Variants in MMP26 observed in about 807,000 individuals in gnomAD.
MMP26 encodes the protein matrix metallopeptidase 26.
MMP26 carries 33 observed loss-of-function variants against 31.0 expected under a neutral mutation model. The ratio of observed to expected loss-of-function variants is 1.06; its 90% CI spans 0.81 to 1.42. MMP26 has a LOEUF of 1.42. Among genes scored for constraint, MMP26 ranks in the 40% most tolerant of loss-of-function variants. The pLI is 0.00. For synonymous variants in MMP26, 122 were observed against 114.9 expected, an observed-to-expected ratio of 1.06 and a Z score of -0.40; for missense variants, 347 against 316.1, an observed-to-expected ratio of 1.10 and a Z score of -0.74.
chr11:4,963,593 T>A (rs6578538), intron 2 of MMP26, among the ~76,000 whole-genome samples: 86,117 of 151,992 alleles, frequency 0.57, 24,890 homozygotes, highest in South Asian at 0.64. Flanking sequence ...ATCTACAACC[T>A]TCTGATCTTT....
intron 2 of MMP26, among the ~76,000 whole-genome samples, chr11:4,941,038 C>T (rs1159270332): frequency 7.3e-6 from 1 of 136,590 alleles, no homozygotes; most frequent in Non-Finnish European, 1.6e-5. Context: ...TATACCTTTT[C>T]CACATTTATT....
Position 4,807,986 on chromosome 11 carries a change from A to G in MMP26, c.-145+40645A>G, listed in dbSNP as rs532048635. On this transcript the variant is annotated intron_variant, in intron 2 of 7. Transcript: ENST00000380390. ...CGCCCAGCAAATTTTTTGTATTTTT[A>G]ATAGAGACAGGGTCTCACTATGTTA... Among the ~76,000 whole-genome samples the G allele has an allele frequency of 2.3e-4, 35 of 152,120 alleles. No homozygotes were observed. The South Asian group carries it at 6.2e-3, about 27-fold the overall frequency.
chr11:4,923,249 C>T, intron 2 of MMP26: 1 of 895,372 alleles, frequency 1.1e-6, no homozygotes, highest in South Asian at 1.9e-5. Context: ...GTCACACTGC[C>T]TTATGTTGCA....
At chr11:4,726,413 G>A (rs1224804734) in intron 1 of MMP26, among the ~76,000 whole-genome samples, 4 of 151,614 alleles carry the variant, frequency 2.6e-5, no homozygotes, top group African/African-American at 9.7e-5. Context: ...AATGAGCCGA[G>A]ATCACGCCAC....
At chr11:4,840,806 T>A (rs1173349790) in intron 2 of MMP26, among the ~76,000 whole-genome samples, 1 of 152,034 alleles carries the variant, frequency 6.6e-6, no homozygotes, top group Non-Finnish European at 1.5e-5. Flanking sequence ...CCTCACCAAA[T>A]AAACTAAATA....
chr11:4,742,725 A>G (rs1298157912), intron 1 of MMP26, among the ~76,000 whole-genome samples: 1 of 152,158 alleles, frequency 6.6e-6, no homozygotes, highest in Non-Finnish European at 1.5e-5. Context: ...CAAAGGGCTA[A>G]CTTAGAATAT....
intron 2 of MMP26, among the ~76,000 whole-genome samples, chr11:4,772,030 A>C (rs760633482): frequency 6.6e-6 from 1 of 152,172 alleles, no homozygotes; most frequent in Non-Finnish European, 1.5e-5. Context: ...GATAGACTAC[A>C]GTTCTGGAGC....
chr11:4,942,130 G>T (rs555922391), intron 2 of MMP26, among the ~76,000 whole-genome samples: 1 of 80,168 alleles, frequency 1.2e-5, no homozygotes, highest in East Asian at 3.6e-4. Flanking sequence ...ACCCTACTCA[G>T]ACTGCTGCCA....
chr11:4,971,498 A>G (rs1328776866), intron 2 of MMP26, among the ~76,000 whole-genome samples: 2 of 152,232 alleles, frequency 1.3e-5, no homozygotes, highest in East Asian at 1.9e-4. Context: ...TGATATGTAT[A>G]GGAGCTTGTT....
At chr11:4,911,787 T>C (rs1850995763) in intron 2 of MMP26, among the ~76,000 whole-genome samples, 1 of 152,206 alleles carries the variant, frequency 6.6e-6, no homozygotes, top group Non-Finnish European at 1.5e-5. Context: ...CAGAGTACTT[T>C]GCAGTTTATG....
At chr11:4,806,557 T>C (rs888843570) in intron 2 of MMP26, among the ~76,000 whole-genome samples, 1 of 152,184 alleles carries the variant, frequency 6.6e-6, no homozygotes, top group Non-Finnish European at 1.5e-5. Flanking sequence ...CTGCCTTTTT[T>C]GGTTTTCCAT....
At chr11:4,891,704 A>G (rs1011987750) in intron 2 of MMP26, among the ~76,000 whole-genome samples, 1 of 152,192 alleles carries the variant, frequency 6.6e-6, no homozygotes, top group African/African-American at 2.4e-5. Context: ...GTCCTTATGT[A>G]TGACCAATTC....
chr11:4,919,468 C>T (rs1412933216), intron 2 of MMP26: 2 of 152,202 alleles, frequency 1.3e-5, no homozygotes, highest in East Asian at 3.9e-4. Context: ...GCCTGGCTCC[C>T]TGGACCTCAT....
At chr11:4,891,495 T>C (rs1850622645) in intron 2 of MMP26, among the ~76,000 whole-genome samples, 1 of 152,148 alleles carries the variant, frequency 6.6e-6, no homozygotes, top group East Asian at 1.9e-4. Flanking sequence ...GGGAATTTTA[T>C]TTAAACATGA....
rs74805513 is a variant in MMP26, at chr11:4,830,519, C to T, written c.-145+63178C>T. ...CAATAGTAACTCATGTATTGAGTTA[C>T]CTGAGTTACACTGGAAGCTTGTCAA... On this transcript the variant is annotated intron_variant, in intron 2 of 7. Transcript: ENST00000380390. Among the ~76,000 whole-genome samples the T allele has an allele frequency of 5.6e-3, 853 of 152,190 alleles. 3 individuals carry two copies. The highest frequency in any genetic ancestry group is 8.4e-3 in the Non-Finnish European group (568 of 67,994).
chr11:4,865,420 C>T lies in MMP26; in HGVS notation c.-145+98079C>T, dbSNP rs538933005. Among the ~76,000 whole-genome samples the T allele has an allele frequency of 6.3e-4, 96 of 152,128 alleles. 1 individual carries two copies. Among genetic ancestry groups the T allele is most frequent in the Middle Eastern group, 3.4e-3 (1 of 294 alleles). Reference sequence around the variant, plus strand: ...TTCTGAAGTAGAACGAATGAATCCTCTTTGCTCAAAAAGGGGGAAGATATG... The same window carrying T: ...TTCTGAAGTAGAACGAATGAATCCTTTTTGCTCAAAAAGGGGGAAGATATG... On this transcript the variant is annotated intron_variant, in intron 2 of 7. Transcript: ENST00000380390.
intron 2 of MMP26, among the ~76,000 whole-genome samples, chr11:4,845,546 T>C (rs1029116688): frequency 6.6e-6 from 1 of 152,240 alleles, no homozygotes; most frequent in Admixed American, 6.5e-5. Flanking sequence ...AAAAATTTCT[T>C]GAGCAATATC....
chr11:4,883,095 A>G (rs1464607786), intron 2 of MMP26, among the ~76,000 whole-genome samples: 1 of 152,178 alleles, frequency 6.6e-6, no homozygotes, highest in Non-Finnish European at 1.5e-5. Context: ...ATGTCCCTGA[A>G]CCATTTTAAA....
intron 1 of MMP26, among the ~76,000 whole-genome samples, chr11:4,747,588 T>C (rs961814178): frequency 2.6e-5 from 4 of 152,128 alleles, no homozygotes; most frequent in Non-Finnish European, 5.9e-5. Context: ...CTTTTTTTTG[T>C]ATATTAATAT....
Sources: allele counts gnomAD v4.1 joint callset (sites outside exome capture counted in the v4.1 genomes callset), GRCh38; gene constraint gnomAD v4.1.1; transcripts MANE v1.5; gene names NCBI Gene and HGNC (gene_info 2026-07-23, HGNC 2026-07-21).